Variants in LIPA observed in about 807,000 individuals in gnomAD.
LIPA encodes lysosomal acid lipase/cholesteryl ester hydrolase.
LIPA carries 26 observed loss-of-function variants against 40.6 expected under a neutral mutation model. The ratio of observed to expected loss-of-function variants is 0.64; its 90% CI spans 0.47 to 0.89. The LOEUF is 0.89. Ranked by LOEUF, LIPA falls within the 40% of genes least tolerant of loss-of-function variation. The pLI is 0.00. For missense variants in LIPA, 455 were observed against 479.6 expected, an observed-to-expected ratio of 0.95 and a Z score of 0.48; for synonymous variants, 188 against 168.4, an observed-to-expected ratio of 1.12 and a Z score of -0.90.
At chr10:89,310,915 G>T (rs1843512101) in intron 1 of LIPA, among the ~76,000 whole-genome samples, 1 of 152,156 alleles carries the variant, frequency 6.6e-6, no homozygotes. Context: ...CATAGTTTGT[G>T]TTATTTCTGA....
Position 89,214,553 on chromosome 10 carries a change from AC to A in LIPA, c.*274del, listed in dbSNP as rs1370546370. ...TTTTAAAAACAGAATGGATATAATG[AC>A]CTTTTTACACATCAGTGATATTTAA... On this transcript the variant is annotated 3_prime_UTR_variant, in exon 10 of 10. Coordinates refer to ENST00000336233, the MANE Select transcript of LIPA (RefSeq NM_000235.4). 1 of 333,800 alleles carries A rather than the reference AC, an allele frequency of 3.0e-6. No individual in the cohort carries two copies. The highest frequency in any genetic ancestry group is 5.6e-6 in the Non-Finnish European group (1 of 180,118). 20.7% of individuals were successfully genotyped at this position (333,800 alleles called of 1,614,324 possible). A position where few individuals can be genotyped will look rare whatever the true frequency, so the allele number is the denominator to read the frequency against.
intron 1 of LIPA, among the ~76,000 whole-genome samples, chr10:89,312,521 ATC>A (rs909370397): frequency 2.0e-5 from 3 of 152,144 alleles, no homozygotes; most frequent in Non-Finnish European, 4.4e-5. Context: ...CCAAAGAAAT[ATC>A]TGTTTGTCTC....
chr10:89,250,156 G>C (rs1843098613), intron 1 of LIPA, among the ~76,000 whole-genome samples: 1 of 135,408 alleles, frequency 7.4e-6, no homozygotes, highest in Non-Finnish European at 1.5e-5. Context: ...CTGGAGTACA[G>C]TGGCGAGATC....
intron 3 of LIPA, among the ~76,000 whole-genome samples, chr10:89,241,427 T>G (rs1842963650): frequency 6.6e-6 from 1 of 152,196 alleles, no homozygotes; most frequent in Admixed American, 6.5e-5. Flanking sequence ...CATCCCAGAT[T>G]ACCAACGCCT....
intron 2 of LIPA, among the ~76,000 whole-genome samples, chr10:89,399,992 G>A (rs897270395): frequency 4.6e-5 from 7 of 152,144 alleles, no homozygotes; most frequent in Non-Finnish European, 7.4e-5. Flanking sequence ...AGGACTTCTA[G>A]CCTCGAGAAC....
intron 1 of LIPA, chr10:89,335,666 G>A (rs1006072978): frequency 7.7e-5 from 8 of 104,062 alleles, no homozygotes; most frequent in African/African-American, 3.1e-4. Flanking sequence ...AGGTCCACTG[G>A]ATACTCTCTA....
intron 2 of LIPA, among the ~76,000 whole-genome samples, chr10:89,386,894 A>T (rs1389069387): frequency 6.6e-6 from 1 of 151,826 alleles, no homozygotes; most frequent in Non-Finnish European, 1.5e-5. Context: ...TGGAACCAAA[A>T]CCTTTTGCAA....
intron 2 of LIPA, among the ~76,000 whole-genome samples, chr10:89,394,971 A>G (rs1844320194): frequency 6.6e-6 from 1 of 152,114 alleles, no homozygotes; most frequent in African/African-American, 2.4e-5. Flanking sequence ...ATAATTTTAT[A>G]TTTCCTAAGC....
chr10:89,312,818 AAAT>A (rs992867898), intron 1 of LIPA, among the ~76,000 whole-genome samples: 11 of 151,322 alleles, frequency 7.3e-5, no homozygotes, highest in Admixed American at 1.3e-4. Flanking sequence ...CAAAAAAAAA[AAAT>A]AATAATAATA....
At chr10:89,229,848 G>T (rs1330972224) in intron 3 of LIPA, among the ~76,000 whole-genome samples, 1 of 152,136 alleles carries the variant, frequency 6.6e-6, no homozygotes, top group Non-Finnish European at 1.5e-5. Context: ...CTCTGTGAGG[G>T]ATGTTCATAA....
At chr10:89,357,231 T>A (rs934101147) in intron 2 of LIPA, among the ~76,000 whole-genome samples, 1 of 152,144 alleles carries the variant, frequency 6.6e-6, no homozygotes, top group East Asian at 1.9e-4. Flanking sequence ...GCAGTGCTAT[T>A]TACATGGGAA....
At position 89,227,000 on chromosome 10, in the gene LIPA, C is replaced by T. The variant is rs764569202; in HGVS notation, c.433G>A (p.Asp145Asn). 1.9e-6 allele frequency: 3 copies of T among 1,583,762 alleles called. No individual in the cohort carries two copies. The highest frequency in any genetic ancestry group is 2.2e-5 in the East Asian group (1 of 44,748). ...SQDEFWAFSY[D>N]EMAKYDLPAS... Reference sequence around the variant, plus strand: ...GGTAGGTCATATTTTGCCATCTCATCATAACTGTAATCCAAGAAAGGAACT... The same window carrying T: ...GGTAGGTCATATTTTGCCATCTCATTATAACTGTAATCCAAGAAAGGAACT... Residue 145 changes from aspartate to asparagine, a missense_variant, in exon 5 of 10, where the codon GAT (aspartate) becomes AAT (asparagine). Coordinates refer to ENST00000336233, the MANE Select transcript of LIPA (RefSeq NM_000235.4).
upstream of LIPA, among the ~76,000 whole-genome samples, chr10:89,254,007 C>G (rs1815850558): frequency 6.6e-6 from 1 of 152,252 alleles, no homozygotes; most frequent in Non-Finnish European, 1.5e-5. Flanking sequence ...GGGACCCTTC[C>G]TCCTGGCTCC....
At chr10:89,246,817 T>C (rs969922128) in intron 2 of LIPA, among the ~76,000 whole-genome samples, 2 of 152,162 alleles carry the variant, frequency 1.3e-5, no homozygotes, top group Non-Finnish European at 2.9e-5. Context: ...CTTTGACTTC[T>C]GTATAGAAAT....
intron 2 of LIPA, chr10:89,403,647 G>C (rs1844479785): frequency 6.2e-7 from 1 of 1,613,600 alleles, no homozygotes; most frequent in Admixed American, 1.7e-5. Context: ...TGAAGCCCTG[G>C]AGTACTATGA....
Position 89,226,900 on chromosome 10 carries a change from G to C in LIPA, c.533C>G (p.Thr178Ser). The change falls in exon 5 of 10, where the codon ACT becomes AGT. Residue 178 changes from threonine (T) to serine (S), a missense_variant. Physicochemically the swap from Thr to Ser is moderately conservative, Grantham distance 58. Transcript: ENST00000336233. ...GATCTTATTTACATACATACCTATA[G>C]TGGTGCCTTGAGAATGACCCACATA... ...VYYVGHSQGT[T>S]IGFIAFSQIP... The C allele has an allele frequency of 6.5e-7, 1 of 1,537,034 alleles. No individual in the cohort carries two copies. Among genetic ancestry groups the C allele is most frequent in the Non-Finnish European group, 9.0e-7 (1 of 1,110,302 alleles).
chr10:89,232,180 A>C (rs1842850277), intron 3 of LIPA, among the ~76,000 whole-genome samples: 1 of 152,252 alleles, frequency 6.6e-6, no homozygotes, highest in Non-Finnish European at 1.5e-5. Context: ...TGGTAACTGT[A>C]CGTGAGAATG....
At position 89,310,512 on chromosome 10, in the gene LIPA, A is replaced by G. The variant is rs556101800; in HGVS notation, c.-2+32099T>C. On this transcript the variant is annotated intron_variant, in intron 1 of 5. Transcript: ENST00000282673. ...TTTGCCCTATTGCCCTTTTTGGAAA[A>G]GGGACTAACTTAGACTAATATGTAA... Among the ~76,000 whole-genome samples the G allele has an allele frequency of 2.3e-3, 356 of 152,310 alleles. 3 individuals carry two copies. The highest frequency in any genetic ancestry group is 3.5e-3 in the Non-Finnish European group (238 of 68,030).
intron 1 of LIPA, among the ~76,000 whole-genome samples, chr10:89,319,118 T>A (rs910019877): frequency 2.0e-5 from 3 of 152,124 alleles, no homozygotes; most frequent in Non-Finnish European, 4.4e-5. Flanking sequence ...GCAGGAAAGA[T>A]CTAAAATTGA....
Sources: gnomAD v4.1 joint callset for allele counts (sites outside exome capture counted in the v4.1 genomes callset) on GRCh38, gnomAD v4.1.1 for gene constraint, MANE v1.5 for transcripts, NCBI Gene and HGNC (gene_info 2026-07-23, HGNC 2026-07-21) for gene names.